The following MCM9 variants were observed in gnomAD, a reference collection of about 807,000 sequenced individuals.
MCM9 encodes minichromosome maintenance 9 homologous recombination repair factor.
MCM9 carries 55 observed loss-of-function variants against 72.8 expected under a neutral mutation model. That is an observed-to-expected ratio of 0.76 (90% CI 0.61 to 0.95). The LOEUF is 0.95. MCM9 is among the 40% of genes least tolerant of loss of function. The pLI, the probability that MCM9 is intolerant of heterozygous loss-of-function variation, is 0.00. For missense variants in MCM9, 1,279 were observed against 1,377.0 expected (o/e 0.93, Z 1.13); for synonymous variants, 480 against 503.4 (o/e 0.95, Z 0.62).
At chr6:118,854,389 C>T (rs540585973) in intron 9 of MCM9, among the ~76,000 whole-genome samples, 1 of 152,266 alleles carries the variant, frequency 6.6e-6, no homozygotes, top group African/African-American at 2.4e-5. Flanking sequence ...GTCACTCTGT[C>T]GCCCAGGCTG....
intron 8 of MCM9, among the ~76,000 whole-genome samples, chr6:118,909,631 G>T (rs1048113992): frequency 5.9e-5 from 9 of 152,222 alleles, no homozygotes; most frequent in East Asian, 3.9e-4. Flanking sequence ...GGCATTAAGG[G>T]TATTATTTGG....
chr6:118,865,710 TC>T (rs985122755), intron 8 of MCM9, among the ~76,000 whole-genome samples: 5 of 152,064 alleles, frequency 3.3e-5, no homozygotes, highest in African/African-American at 1.2e-4. Context: ...AATCTAGGCC[TC>T]CCCCATTCTA....
In MCM9 at chr6:118,813,614, T is replaced by C. The variant is rs1226986451; in HGVS notation, c.*1210A>G. 1.3e-5 allele frequency: 2 copies of C among 152,208 alleles called. No individual in the cohort carries two copies. The highest frequency in any genetic ancestry group is 4.8e-5 in the African/African-American group (2 of 41,460). 9.4% of individuals were successfully genotyped at this position (152,208 alleles called of 1,614,324 possible). A position where few individuals can be genotyped will look rare whatever the true frequency, so the allele number is the denominator to read the frequency against. The stretch of plus-strand genomic sequence containing the variant: ...AGTATTCTATGTCCAAAAGTCCCTC[T>C]GACAATTAAACAATCAGTTTACAAA... On this transcript the variant is annotated 3_prime_UTR_variant, in exon 14 of 14. Coordinates refer to ENST00000619706, the MANE Select transcript of MCM9 (RefSeq NM_017696.3).
At chr6:118,933,263 G>A (rs1456275936) in intron 1 of MCM9, among the ~76,000 whole-genome samples, 1 of 152,132 alleles carries the variant, frequency 6.6e-6, no homozygotes, top group African/African-American at 2.4e-5. Context: ...ACTTTGGGAG[G>A]CCGAGGCAGG....
chr6:118,908,976 G>A (rs1780352609), intron 8 of MCM9: 5 of 152,620 alleles, frequency 3.3e-5, no homozygotes, highest in South Asian at 4.2e-4. Context: ...GTGAAGCAAA[G>A]TTTTGCCAGA....
intron 8 of MCM9, among the ~76,000 whole-genome samples, chr6:118,875,285 T>C (rs932792950): frequency 6.6e-6 from 1 of 152,178 alleles, no homozygotes; most frequent in Non-Finnish European, 1.5e-5. Context: ...AGACTTCATA[T>C]TGTCAAGATG....
Position 118,898,556 on chromosome 6 carries a change from C to T in MCM9, c.1150+13094G>A, listed in dbSNP as rs181681492. On this transcript the variant is annotated intron_variant, in intron 8 of 13. Transcript: ENST00000619706. ...TCTTGTGCCTCAGCCTCCCGAGTAGCTGGGACCACAGGCATGTGCCACCCC... is the reference window on the plus strand; with the variant it reads ...TCTTGTGCCTCAGCCTCCCGAGTAGTTGGGACCACAGGCATGTGCCACCCC... Among the ~76,000 whole-genome samples the T allele has an allele frequency of 3.6e-3, 547 of 151,966 alleles. 7 individuals are homozygous for T. The highest frequency in any genetic ancestry group is 2.5e-3 in the Non-Finnish European group (173 of 67,972).
At position 118,836,108 on chromosome 6, in the gene MCM9, A is replaced by C. The variant is rs142064763; in HGVS notation, c.1326-6858T>G. ...TTTTCTGCATCTATTGGGATAATCA[A>C]GTGGTTTTTGTCATTGGTTCTGTTT... On this transcript the variant is annotated intron_variant, in intron 9 of 13. Coordinates refer to ENST00000619706, the MANE Select transcript of MCM9 (RefSeq NM_017696.3). Among the ~76,000 whole-genome samples, 278 of 152,268 alleles carry C rather than the reference A, an allele frequency of 1.8e-3. 1 individual carries two copies. The highest frequency in any genetic ancestry group is 0.01 in the Middle Eastern group (3 of 294).
Position 118,814,898 on chromosome 6 carries a change from G to C in MCM9, c.3358C>G (p.Leu1120Val). Residue 1120 changes from leucine to valine, a missense_variant, in exon 14 of 14, where the codon CTC becomes GTC. Coordinates refer to ENST00000619706, the MANE Select transcript of MCM9 (RefSeq NM_017696.3). ...TEKLIVSKES[L>V]FTLPELGDEA... ...TCACCTAGTTCTGGTAAAGTGAAGA[G>C]GGATTCTTTGGAAACAATCAGTTTC... The C allele has an allele frequency of 6.5e-7, 1 of 1,548,702 alleles. No individual in the cohort carries two copies. Among genetic ancestry groups the C allele is most frequent in the Non-Finnish European group, 8.7e-7 (1 of 1,146,204 alleles).
In MCM9 at chr6:118,843,089, A is replaced by G. The variant is rs999421164; in HGVS notation, c.1325+13282T>C. On this transcript the variant is annotated intron_variant, in intron 9 of 13. Coordinates refer to ENST00000619706, the MANE Select transcript of MCM9 (RefSeq NM_017696.3). ...TTTTACCATTTTTTCTATTTTGACT[A>G]TAACAAGCTTTTGCAGTGCAGAAAT... is the stretch of plus-strand genomic sequence containing the variant. 5.3e-5 allele frequency among the ~76,000 whole-genome samples: 8 copies of G among 152,248 alleles called. No individual in the cohort carries two copies. The East Asian group carries it at 1.2e-3, about 22-fold the overall frequency.
rs62422267 is a variant in MCM9, at chr6:118,935,008, C to G, written c.-267G>C. The G allele has an allele frequency of 0.58, 88,010 of 151,722 alleles. 26,056 individuals are homozygous for G. The highest frequency in any genetic ancestry group is 0.69 in the East Asian group (3,505 of 5,102). The allele number at this position is 151,722 out of a possible 1,614,324, so 9.4% of individuals were successfully genotyped here. A position where few individuals can be genotyped will look rare whatever the true frequency, so the allele number is the denominator to read the frequency against. ...GAAGGCTGGTGAGGCGGAGTGCGCG[C>G]GTGCACGTGGCCGCTCGAGGCGCCA... On this transcript the variant is annotated 5_prime_UTR_variant, in exon 1 of 14. Transcript: ENST00000619706.
intron 8 of MCM9, among the ~76,000 whole-genome samples, chr6:118,875,658 AAAT>A (rs369537070): frequency 0.034 from 5,019 of 149,422 alleles, 240 homozygotes; most frequent in African/African-American, 0.1. Context: ...ATAATAATTA[AAAT>A]AATAATAATA....
intron 10 of MCM9, 57 bp from the exon 11 acceptor site, chr6:118,828,187 T>A: frequency 7.4e-7 from 1 of 1,355,220 alleles, no homozygotes; most frequent in Non-Finnish European, 1.0e-6. Context: ...CATCTCATTT[T>A]AAGGATTTTT....
chr6:118,913,397 A>G lies in MCM9; in HGVS notation c.928T>C (p.Leu310=), dbSNP rs752828759. 6.2e-7 allele frequency: 1 copy of G among 1,614,028 alleles called. No homozygotes were observed. Among genetic ancestry groups the G allele is most frequent in the Admixed American group, 1.7e-5 (1 of 60,008 alleles). ...TACATTCCAAACACTTGAGGGCACA[A>G]GCTAGCCAATATTACATTCCTTCCT... The part of the protein sequence containing the change: ...FAGRNVILAS[L]CPQVFGMYLV... Residue 310 remains leucine, a synonymous_variant, in exon 7 of 14, where the codon TTG becomes CTG. Transcript: ENST00000619706.
At chr6:118,885,797 G>A (rs1260614295) in intron 8 of MCM9, among the ~76,000 whole-genome samples, 1 of 152,062 alleles carries the variant, frequency 6.6e-6, no homozygotes, top group African/African-American at 2.4e-5. Context: ...AGAGGGAGAA[G>A]CACTTCCTAA....
In MCM9 at chr6:118,826,139, T is replaced by C; in HGVS notation, c.1961+8A>G. 6.5e-7 allele frequency: 1 copy of C among 1,543,820 alleles called. No homozygotes were observed. Among genetic ancestry groups the C allele is most frequent in the Non-Finnish European group, 8.7e-7 (1 of 1,145,048 alleles). Reference sequence around the variant, plus strand: ...CATTGTATGCCTTTCTGGGTTTTCATTCCTCACCTTTCAAGTCTTCTAAGC... The same window carrying C: ...CATTGTATGCCTTTCTGGGTTTTCACTCCTCACCTTTCAAGTCTTCTAAGC... On this transcript the variant is annotated splice_region_variant and intron_variant, in intron 13 of 13. Transcript: ENST00000619706.
chr6:118,840,949 G>A (rs1057412878), intron 9 of MCM9, among the ~76,000 whole-genome samples: 2 of 152,052 alleles, frequency 1.3e-5, no homozygotes, highest in African/African-American at 2.4e-5. Context: ...TGCCCAGGCT[G>A]GTCTTGAACT....
chr6:118,826,342 C>T (rs1446335088), intron 12 of MCM9, 50 bp from the exon 13 acceptor site: 18 of 1,526,450 alleles, frequency 1.2e-5, no homozygotes, highest in South Asian at 3.7e-5. Flanking sequence ...GCCTGCATAG[C>T]GGTAAGTACA....
intron 1 of MCM9, among the ~76,000 whole-genome samples, chr6:118,933,615 T>C (rs922443227): frequency 9.2e-5 from 14 of 152,202 alleles, no homozygotes; most frequent in African/African-American, 3.1e-4. Context: ...TTTATTGTAC[T>C]GGACTCTACA....
Sources: gnomAD v4.1 joint callset for allele counts (sites outside exome capture counted in the v4.1 genomes callset) on GRCh38, gnomAD v4.1.1 for gene constraint, MANE v1.5 for transcripts, NCBI Gene and HGNC (gene_info 2026-07-23, HGNC 2026-07-21) for gene names.